The following CNKSR2 variants were observed in gnomAD, a reference collection of about 807,000 sequenced individuals.
CNKSR2 encodes CNK homolog protein 2.
Under a neutral mutation model 84.4 loss-of-function variants are expected in CNKSR2, and 14 were observed. The ratio of observed to expected loss-of-function variants is 0.17; its 90% CI spans 0.11 to 0.26. CNKSR2 has a LOEUF of 0.26. Ranked by LOEUF, CNKSR2 falls within the 10% of genes least tolerant of loss-of-function variation. The pLI is 1.00. For missense variants in CNKSR2, 485 were observed against 771.2 expected (o/e 0.63, Z 4.40); for synonymous variants, 275 against 277.9 (o/e 0.99, Z 0.10).
chrX:21,410,032 C>CTGTGTGTGTGTG (rs60351010), intron 1 of CNKSR2, among the ~76,000 whole-genome samples: 4 of 97,689 alleles, frequency 4.1e-5, no homozygotes, highest in African/African-American at 1.5e-4. Flanking sequence ...CTAATTGTGT[C>CTGTGTGTGTGTG]TGTGTGTGTG....
intron 1 of CNKSR2, among the ~76,000 whole-genome samples, chrX:21,383,780 A>C (rs2146950044): frequency 9.0e-6 from 1 of 111,408 alleles, no homozygotes; most frequent in South Asian, 3.8e-4. Flanking sequence ...TAGCTAGAAC[A>C]AATCGATGGA....
chrX:21,640,390 G>A, intron 20 of CNKSR2, among the ~76,000 whole-genome samples: 1 of 111,571 alleles, frequency 9.0e-6, no homozygotes. Flanking sequence ...TAGCATTCCA[G>A]TATTATAATA....
chrX:21,377,955 G>A (rs1452352070), intron 1 of CNKSR2, among the ~76,000 whole-genome samples: 5 of 111,352 alleles, frequency 4.5e-5, no homozygotes, highest in Non-Finnish European at 1.9e-5. Flanking sequence ...ATTTGAGGGA[G>A]ATGGAAATAT....
At chrX:21,441,045 C>T (rs1301176938) in intron 4 of CNKSR2, 2 of 178,191 alleles carry the variant, frequency 1.1e-5, no homozygotes, top group Non-Finnish European at 2.1e-5. Context: ...GATCTAATTA[C>T]CTGAACTGAT....
In CNKSR2 at chrX:21,527,010, T is replaced by A; in HGVS notation, c.1091+10T>A. ...AACCATATATTCCCAGGTATAAAAC[T>A]ATCACGTTGTCCTAGGCAGCTTCTA... On this transcript the variant is annotated intron_variant, in intron 10 of 21. Transcript: ENST00000379510. 1 of 1,200,509 alleles carries A rather than the reference T, an allele frequency of 8.3e-7. No homozygotes were observed. Among genetic ancestry groups the A allele is most frequent in the Non-Finnish European group, 1.1e-6 (1 of 887,718 alleles).
At chrX:21,419,413 G>A (rs1601764696) in intron 1 of CNKSR2, among the ~76,000 whole-genome samples, 2 of 110,541 alleles carry the variant, frequency 1.8e-5, no homozygotes, top group South Asian at 3.9e-4. Context: ...GCCTTATTTC[G>A]TTCATTTGAT....
chrX:21,472,544 A>G (rs1477400559), intron 5 of CNKSR2, among the ~76,000 whole-genome samples: 1 of 111,870 alleles, frequency 8.9e-6, no homozygotes, highest in African/African-American at 3.2e-5. Context: ...TTGGCTCTAC[A>G]TGATTTCTTT....
intron 1 of CNKSR2, among the ~76,000 whole-genome samples, chrX:21,398,058 G>A (rs950161473): frequency 1.8e-5 from 2 of 111,060 alleles, no homozygotes; most frequent in African/African-American, 3.3e-5. Context: ...CCAAGATTCC[G>A]ACATCCTAGT....
chrX:21,502,992 A>G (rs780060773), intron 8 of CNKSR2, among the ~76,000 whole-genome samples: 1 of 111,374 alleles, frequency 9.0e-6, no homozygotes, highest in Non-Finnish European at 1.9e-5. Context: ...CATTTCTGCA[A>G]TGTGACCTTA....
At chrX:21,528,552 T>G (rs1479608599) in intron 10 of CNKSR2, among the ~76,000 whole-genome samples, 2 of 111,165 alleles carry the variant, frequency 1.8e-5, no homozygotes, top group Non-Finnish European at 3.8e-5. Flanking sequence ...GATCCAGTTT[T>G]GTCTTCTGAG....
intron 20 of CNKSR2, among the ~76,000 whole-genome samples, chrX:21,637,006 C>T (rs1287233268): frequency 9.0e-6 from 1 of 111,648 alleles, no homozygotes; most frequent in Non-Finnish European, 1.9e-5. Flanking sequence ...ATTAAAACAA[C>T]ATGTTAAGTA....
At chrX:21,605,242 G>A (rs752081595) in intron 18 of CNKSR2, among the ~76,000 whole-genome samples, 4 of 111,660 alleles carry the variant, frequency 3.6e-5, no homozygotes, top group East Asian at 5.6e-4. Context: ...TGCTGGGTCC[G>A]TTTCTGGGCA....
At chrX:21,478,629 G>A (rs982944324) in intron 5 of CNKSR2, among the ~76,000 whole-genome samples, 1 of 111,574 alleles carries the variant, frequency 9.0e-6, no homozygotes, top group Non-Finnish European at 1.9e-5. Context: ...TTGTTGGGGA[G>A]TCAAGTGAGG....
At chrX:21,557,953 T>C (rs1176216289) in intron 11 of CNKSR2, among the ~76,000 whole-genome samples, 1 of 111,587 alleles carries the variant, frequency 9.0e-6, no homozygotes, top group Non-Finnish European at 1.9e-5. Flanking sequence ...GTCATATGAG[T>C]ATAAAAATAC....
intron 5 of CNKSR2, among the ~76,000 whole-genome samples, chrX:21,487,568 C>A (rs1222000663): frequency 9.0e-6 from 1 of 111,682 alleles, no homozygotes; most frequent in African/African-American, 3.3e-5. Flanking sequence ...ATCCAAGTAT[C>A]CTGTATAGAA....
chrX:21,643,770 A>G (rs1220073968), intron 20 of CNKSR2: 1 of 111,743 alleles, frequency 8.9e-6, no homozygotes, highest in African/African-American at 3.2e-5. Flanking sequence ...ATGGAGGACT[A>G]AAAGCCAGCT....
chrX:21,388,744 A>T (rs1385911905), intron 1 of CNKSR2, among the ~76,000 whole-genome samples: 4 of 111,757 alleles, frequency 3.6e-5, no homozygotes, highest in Middle Eastern at 9.3e-3. Flanking sequence ...AATCATTTAT[A>T]TACATACTCC....
At chrX:21,426,729 TTCTCC>T in intron 2 of CNKSR2, 69 bp downstream of exon 2, 2 of 1,074,053 alleles carry the variant, frequency 1.9e-6, no homozygotes. Flanking sequence ...CCCTTTTTTC[TTCTCC>T]TCTTTTGATA....
At chrX:21,626,912 G>T (rs1002557708) in intron 20 of CNKSR2, among the ~76,000 whole-genome samples, 1 of 111,870 alleles carries the variant, frequency 8.9e-6, no homozygotes, top group African/African-American at 3.3e-5. Flanking sequence ...TCAGGAGGGA[G>T]CTGGTTCTTA....
Sources: allele counts gnomAD v4.1 joint callset (sites outside exome capture counted in the v4.1 genomes callset), GRCh38; gene constraint gnomAD v4.1.1; transcripts MANE v1.5; gene names NCBI Gene and HGNC (gene_info 2026-07-23, HGNC 2026-07-21).